Variants in ZNF804A observed in about 807,000 individuals in gnomAD.
ZNF804A encodes the protein zinc finger protein 804A.
In ZNF804A, 2 loss-of-function variants were observed where a neutral mutation model predicts 16.5. The ratio of observed to expected loss-of-function variants is 0.12; its 90% CI spans 0.05 to 0.38. The LOEUF (loss-of-function observed/expected upper bound fraction) is 0.38. Among genes scored for constraint, ZNF804A ranks in the 10% least tolerant of loss-of-function variants. ZNF804A has a pLI of 0.99. For missense variants in ZNF804A, 1,473 were observed against 1,390.7 expected, an observed-to-expected ratio of 1.06 and a Z score of -0.94; for synonymous variants, 534 against 489.6, an observed-to-expected ratio of 1.09 and a Z score of -1.20.
intron 1 of ZNF804A, among the ~76,000 whole-genome samples, chr2:184,717,007 A>G (rs2105740016): frequency 6.6e-6 from 1 of 152,162 alleles, no homozygotes; most frequent in East Asian, 1.9e-4. Context: ...CCCTGTCATA[A>G]CTCCTCTCTA....
intron 1 of ZNF804A, among the ~76,000 whole-genome samples, chr2:184,641,629 A>C (rs781366755): frequency 4.6e-5 from 7 of 152,256 alleles, no homozygotes; most frequent in Non-Finnish European, 1.0e-4. Context: ...GTACACATAT[A>C]TATCATTGCA....
intron 2 of ZNF804A, among the ~76,000 whole-genome samples, chr2:184,868,216 C>T (rs1360392251): frequency 6.6e-6 from 1 of 151,996 alleles, no homozygotes; most frequent in Non-Finnish European, 1.5e-5. Context: ...CAGCACAGTC[C>T]TAATTGATTA....
intron 1 of ZNF804A, among the ~76,000 whole-genome samples, chr2:184,737,887 G>A (rs1168884313): frequency 6.6e-6 from 1 of 152,108 alleles, no homozygotes; most frequent in African/African-American, 2.4e-5. Flanking sequence ...ACTTTGGAAG[G>A]CCGAGGCAGG....
intron 1 of ZNF804A, among the ~76,000 whole-genome samples, chr2:184,638,493 A>G (rs922942981): frequency 2.0e-5 from 3 of 152,112 alleles, no homozygotes; most frequent in African/African-American, 7.2e-5. Flanking sequence ...GTATGTTTTT[A>G]TTCATTTTTA....
At chr2:184,602,944 T>A (rs1399497544) in intron 1 of ZNF804A, among the ~76,000 whole-genome samples, 1 of 152,146 alleles carries the variant, frequency 6.6e-6, no homozygotes, top group Non-Finnish European at 1.5e-5. Flanking sequence ...GAAGGCACTT[T>A]ATTTTTCCAA....
chr2:184,646,112 A>C (rs1185347518), intron 1 of ZNF804A, among the ~76,000 whole-genome samples: 1 of 152,234 alleles, frequency 6.6e-6, no homozygotes, highest in Admixed American at 6.5e-5. Context: ...ACATACATAC[A>C]AAGTCAGCCA....
chr2:184,682,056 A>G (rs1692550845), intron 1 of ZNF804A, among the ~76,000 whole-genome samples: 1 of 152,220 alleles, frequency 6.6e-6, no homozygotes, highest in Admixed American at 6.5e-5. Context: ...AACTTTGGGC[A>G]CCAACAAGCT....
intron 1 of ZNF804A, among the ~76,000 whole-genome samples, chr2:184,850,718 A>C (rs1440885871): frequency 6.6e-6 from 1 of 151,820 alleles, no homozygotes; most frequent in African/African-American, 2.4e-5. Flanking sequence ...GAAGAGAGAG[A>C]GAGTGATTTT....
chr2:184,609,386 G>T (rs1474626919), intron 1 of ZNF804A, among the ~76,000 whole-genome samples: 1 of 152,142 alleles, frequency 6.6e-6, no homozygotes, highest in Non-Finnish European at 1.5e-5. Flanking sequence ...GAAGTGTTTT[G>T]ACAGAGAGGC....
intron 1 of ZNF804A, among the ~76,000 whole-genome samples, chr2:184,693,895 TA>T (rs754165679): frequency 6.6e-3 from 854 of 130,132 alleles, no homozygotes; most frequent in African/African-American, 0.01. Flanking sequence ...ATTCTAAGAA[TA>T]AAAAAAAAAA....
chr2:184,890,689 A>G (rs929447135), intron 2 of ZNF804A, among the ~76,000 whole-genome samples: 1 of 151,866 alleles, frequency 6.6e-6, no homozygotes, highest in Non-Finnish European at 1.5e-5. Context: ...TAATCATATT[A>G]AAATATAACA....
intron 1 of ZNF804A, among the ~76,000 whole-genome samples, chr2:184,723,957 T>A (rs763922379): frequency 1.3e-5 from 2 of 151,908 alleles, no homozygotes; most frequent in Admixed American, 1.3e-4. Context: ...CATATTGACA[T>A]GAAAATTAAC....
chr2:184,600,352 A>T (rs1243348302), intron 1 of ZNF804A, among the ~76,000 whole-genome samples: 1 of 152,134 alleles, frequency 6.6e-6, no homozygotes, highest in Admixed American at 6.5e-5. Flanking sequence ...CCCACTTAAG[A>T]CTCACAAAAG....
At chr2:184,819,819 A>C (rs183735899) in intron 1 of ZNF804A, among the ~76,000 whole-genome samples, 116 of 152,226 alleles carry the variant, frequency 7.6e-4, no homozygotes, top group African/African-American at 2.7e-3. Flanking sequence ...AAAATCTAGA[A>C]GAAATTGATC....
intron 1 of ZNF804A, among the ~76,000 whole-genome samples, chr2:184,692,688 G>A (rs953860483): frequency 1.3e-5 from 2 of 151,996 alleles, no homozygotes; most frequent in Non-Finnish European, 2.9e-5. Flanking sequence ...TTTCCCATAA[G>A]GGTATTTAAT....
At chr2:184,856,036 C>A (rs1005353038) in intron 1 of ZNF804A, among the ~76,000 whole-genome samples, 1 of 151,822 alleles carries the variant, frequency 6.6e-6, no homozygotes, top group African/African-American at 2.4e-5. Context: ...GATTCTGAAG[C>A]AAGGTGATAA....
intron 2 of ZNF804A, among the ~76,000 whole-genome samples, chr2:184,891,263 A>G (rs1684980171): frequency 6.6e-6 from 1 of 152,138 alleles, no homozygotes; most frequent in Admixed American, 6.5e-5. Flanking sequence ...AAATATGGTT[A>G]AATATTTACA....
intron 1 of ZNF804A, among the ~76,000 whole-genome samples, chr2:184,775,159 A>G (rs1018255441): frequency 1.3e-5 from 2 of 151,726 alleles, no homozygotes; most frequent in African/African-American, 2.4e-5. Flanking sequence ...AATTTCCTCA[A>G]TAGTCTTTAA....
At chr2:184,856,773 C>A (rs1229261765) in intron 1 of ZNF804A, among the ~76,000 whole-genome samples, 2 of 151,830 alleles carry the variant, frequency 1.3e-5, no homozygotes, top group Non-Finnish European at 2.9e-5. Flanking sequence ...TATGAAGGAC[C>A]CAGTGAATTT....
Sources: allele counts gnomAD v4.1 joint callset (sites outside exome capture counted in the v4.1 genomes callset), GRCh38; gene constraint gnomAD v4.1.1; transcripts MANE v1.5; gene names NCBI Gene and HGNC (gene_info 2026-07-23, HGNC 2026-07-21).